The following HSF2BP variants were observed in gnomAD, a reference collection of about 807,000 sequenced individuals.
HSF2BP encodes heat shock transcription factor 2 binding protein.
A neutral mutation model predicts 35.0 loss-of-function variants in HSF2BP; 35 were observed. The observed-to-expected ratio is 1.00, with a 90% CI of 0.76 to 1.32. The LOEUF (loss-of-function observed/expected upper bound fraction) is 1.32, where lower values mean the gene tolerates loss of function less well. Ranked by LOEUF, HSF2BP falls within the 40% of genes most tolerant of loss-of-function variation. HSF2BP has a pLI of 0.00. For synonymous variants in HSF2BP, 114 were observed against 117.4 expected, an observed-to-expected ratio of 0.97 and a Z score of 0.18; for missense variants, 326 against 321.7, an observed-to-expected ratio of 1.01 and a Z score of -0.10.
chr21:43,644,527 T>C (rs1179498014), intron 3 of HSF2BP, 135 bp from the exon 4 acceptor site: 3 of 649,954 alleles, frequency 4.6e-6, no homozygotes, highest in African/African-American at 1.8e-5. Flanking sequence ...TCTTGACTTC[T>C]AGCCTGTCCT....
chr21:43,600,313 A>T (rs1244566457), intron 7 of HSF2BP, among the ~76,000 whole-genome samples: 5 of 152,364 alleles, frequency 3.3e-5, no homozygotes, highest in African/African-American at 1.2e-4. Context: ...CAAACTAGCA[A>T]TAAAAATAAG....
chr21:43,572,638 G>A (rs1257320001), intron 8 of HSF2BP, among the ~76,000 whole-genome samples: 1 of 152,234 alleles, frequency 6.6e-6, no homozygotes, highest in Non-Finnish European at 1.5e-5. Context: ...GTGTCCGAGA[G>A]GACAAGGACG....
At chr21:43,650,301 G>A (rs2082766041) in intron 3 of HSF2BP, among the ~76,000 whole-genome samples, 1 of 152,042 alleles carries the variant, frequency 6.6e-6, no homozygotes, top group African/African-American at 2.4e-5. Context: ...CCGCCTCTGG[G>A]GTTCACACCA....
intron 8 of HSF2BP, among the ~76,000 whole-genome samples, chr21:43,582,467 G>A (rs2081767146): frequency 6.9e-6 from 1 of 145,836 alleles, no homozygotes; most frequent in African/African-American, 2.6e-5. Context: ...AGGGCCGGCT[G>A]AGGGAGATGA....
chr21:43,595,571 T>C (rs777261275), intron 7 of HSF2BP, among the ~76,000 whole-genome samples: 1 of 151,526 alleles, frequency 6.6e-6, no homozygotes, highest in Non-Finnish European at 1.5e-5. Flanking sequence ...GGTGGGAGGA[T>C]CACTTGAGCC....
At chr21:43,500,016 C>A in the HSF2BP span, among the ~76,000 whole-genome samples, 2 of 72,672 alleles carry the variant, frequency 2.8e-5, no homozygotes, top group Admixed American at 1.5e-4. Flanking sequence ...ACATTCACAC[C>A]CTACACAGCC....
At chr21:43,624,121 T>C (rs2082362347) in intron 6 of HSF2BP, among the ~76,000 whole-genome samples, 1 of 152,212 alleles carries the variant, frequency 6.6e-6, no homozygotes, top group Non-Finnish European at 1.5e-5. Flanking sequence ...CACCCTGCTA[T>C]TCCACCCCGA....
chr21:43,631,791 C>G (rs996869728), intron 5 of HSF2BP, among the ~76,000 whole-genome samples: 2 of 152,120 alleles, frequency 1.3e-5, no homozygotes, highest in Non-Finnish European at 2.9e-5. Context: ...CCATTTCTAC[C>G]TATTCATCAA....
chr21:43,651,971 T>C (rs1426449900), intron 3 of HSF2BP, among the ~76,000 whole-genome samples: 2 of 152,212 alleles, frequency 1.3e-5, no homozygotes, highest in Non-Finnish European at 2.9e-5. Flanking sequence ...ACCTCAATCC[T>C]CTAGCTGGCT....
intron 3 of HSF2BP, among the ~76,000 whole-genome samples, chr21:43,648,062 C>T (rs1004518737): frequency 9.2e-5 from 14 of 152,076 alleles, no homozygotes; most frequent in African/African-American, 3.4e-4. Flanking sequence ...AACAGCAGAG[C>T]GGTCACGGGT....
At chr21:43,575,610 G>A (rs903989616) in intron 8 of HSF2BP, among the ~76,000 whole-genome samples, 5 of 152,298 alleles carry the variant, frequency 3.3e-5, no homozygotes, top group African/African-American at 1.2e-4. Context: ...TAGCCCAAAA[G>A]AAAATGAAAC....
intron 8 of HSF2BP, among the ~76,000 whole-genome samples, chr21:43,588,029 C>A (rs2081877810): frequency 6.6e-6 from 1 of 152,146 alleles, no homozygotes; most frequent in Admixed American, 6.5e-5. Flanking sequence ...TGTTTCAGGG[C>A]AACTGACCCA....
chr21:43,608,334 C>A (rs959641586), intron 7 of HSF2BP, among the ~76,000 whole-genome samples: 1 of 152,114 alleles, frequency 6.6e-6, no homozygotes, highest in Middle Eastern at 3.4e-3. Flanking sequence ...AAGCAGCCAA[C>A]GAAACATGAA....
chr21:43,579,447 C>T (rs113402286), intron 8 of HSF2BP, among the ~76,000 whole-genome samples: 33 of 152,242 alleles, frequency 2.2e-4, no homozygotes, highest in African/African-American at 7.7e-4. Context: ...CTGCAGGGGA[C>T]GGTGAACTCC....
intron 7 of HSF2BP, among the ~76,000 whole-genome samples, chr21:43,605,763 ACAC>A (rs747666118): frequency 4.6e-5 from 7 of 151,450 alleles, no homozygotes; most frequent in Non-Finnish European, 8.8e-5. Flanking sequence ...ATATACACAC[ACAC>A]CACACACATT....
chr21:43,579,263 TGAA>T, intron 8 of HSF2BP, among the ~76,000 whole-genome samples: 1 of 152,360 alleles, frequency 6.6e-6, no homozygotes. Flanking sequence ...AATGAGTTAA[TGAA>T]GAACATTCGA....
chr21:43,650,260 G>C (rs2082765250), intron 3 of HSF2BP, among the ~76,000 whole-genome samples: 1 of 152,050 alleles, frequency 6.6e-6, no homozygotes, highest in African/African-American at 2.4e-5. Flanking sequence ...GGGCTGGAGT[G>C]CAGTGGTGCG....
intron 3 of HSF2BP, among the ~76,000 whole-genome samples, chr21:43,650,533 T>C (rs980930904): frequency 6.6e-6 from 1 of 151,616 alleles, no homozygotes; most frequent in African/African-American, 2.4e-5. Flanking sequence ...AAAAATAGGA[T>C]TTTCCTAGTT....
chr21:43,589,805 T>C (rs2081903371), intron 8 of HSF2BP, among the ~76,000 whole-genome samples: 1 of 151,948 alleles, frequency 6.6e-6, no homozygotes. Context: ...ATAGAAAGTC[T>C]TATGCAAAAA....
Sources: allele counts gnomAD v4.1 joint callset (sites outside exome capture counted in the v4.1 genomes callset), GRCh38; gene constraint gnomAD v4.1.1; transcripts MANE v1.5; gene names NCBI Gene and HGNC (gene_info 2026-07-23, HGNC 2026-07-21).